The following WWOX variants were observed in gnomAD, a reference collection of about 807,000 sequenced individuals.
The protein encoded by WWOX is WW domain-containing oxidoreductase.
A neutral mutation model predicts 46.2 loss-of-function variants in WWOX; 69 were observed. The observed-to-expected ratio is 1.49, with a 90% CI of 1.23 to 1.82. The LOEUF is 1.82. WWOX is among the 40% of genes most tolerant of loss of function. The probability of loss-of-function intolerance (pLI) is 0.00; values close to 1 mark genes in which losing one functional copy is unlikely to be tolerated. For synonymous variants in WWOX, 359 were observed against 202.6 expected (o/e 1.77, Z -6.56); for missense variants, 919 against 542.6 (o/e 1.69, Z -6.89).
chr16:78,210,167 A>T (rs1485491022), intron 5 of WWOX, among the ~76,000 whole-genome samples: 1 of 152,190 alleles, frequency 6.6e-6, no homozygotes, highest in East Asian at 1.9e-4. Flanking sequence ...TTTATTTATA[A>T]AGACTTGCTT....
intron 8 of WWOX, among the ~76,000 whole-genome samples, chr16:78,718,564 A>G (rs1057327155): frequency 4.6e-5 from 7 of 152,098 alleles, no homozygotes; most frequent in Admixed American, 3.3e-4. Context: ...CACTGAGCCA[A>G]GCATGGGTGG....
chr16:79,070,713 T>C (rs1227215012), intron 8 of WWOX, among the ~76,000 whole-genome samples: 1 of 152,172 alleles, frequency 6.6e-6, no homozygotes, highest in African/African-American at 2.4e-5. Context: ...TAGTCAGTGG[T>C]GCAAGCTTCA....
At chr16:78,910,843 T>G (rs929558800) in intron 8 of WWOX, among the ~76,000 whole-genome samples, 7 of 151,938 alleles carry the variant, frequency 4.6e-5, no homozygotes, top group African/African-American at 1.4e-4. Context: ...GTGGGAATTA[T>G]GGGAGCTATA....
intron 8 of WWOX, among the ~76,000 whole-genome samples, chr16:79,046,726 C>G (rs2048072497): frequency 6.6e-6 from 1 of 152,196 alleles, no homozygotes; most frequent in South Asian, 2.1e-4. Flanking sequence ...AGCCATTCAG[C>G]TCCCACCTCT....
intron 8 of WWOX, among the ~76,000 whole-genome samples, chr16:78,992,652 G>A (rs1421284926): frequency 6.6e-6 from 1 of 152,126 alleles, no homozygotes; most frequent in Non-Finnish European, 1.5e-5. Flanking sequence ...AATGTCTGTT[G>A]TGGAAGTTGG....
At chr16:78,749,217 A>G (rs1247714771) in intron 8 of WWOX, among the ~76,000 whole-genome samples, 1 of 152,158 alleles carries the variant, frequency 6.6e-6, no homozygotes, top group Non-Finnish European at 1.5e-5. Context: ...CACACAGACT[A>G]CTGTTTAACC....
intron 8 of WWOX, among the ~76,000 whole-genome samples, chr16:78,827,066 T>C (rs1175511627): frequency 6.6e-6 from 1 of 152,186 alleles, no homozygotes; most frequent in Non-Finnish European, 1.5e-5. Flanking sequence ...CAGAGAGCTT[T>C]GATCCCTGGT....
intron 8 of WWOX, among the ~76,000 whole-genome samples, chr16:79,095,145 T>A (rs2049042997): frequency 6.6e-6 from 1 of 152,234 alleles, no homozygotes; most frequent in Admixed American, 6.5e-5. Flanking sequence ...TGCCTTAGAA[T>A]CTACTTAAGG....
Position 78,409,028 on chromosome 16 carries a change from G to A in WWOX, c.606-15842G>A, listed in dbSNP as rs537375664. Among the ~76,000 whole-genome samples, 32 of 152,262 alleles carry A rather than the reference G, an allele frequency of 2.1e-4. No individual in the cohort carries two copies. The South Asian group carries it at 6.0e-3, about 29-fold the overall frequency. Reference sequence around the variant, plus strand: ...CCTACCTCTGATTTCTTAATGCCACGTTATAAGGCTGCTGCTTATAGCTCT... The same window carrying A: ...CCTACCTCTGATTTCTTAATGCCACATTATAAGGCTGCTGCTTATAGCTCT... On this transcript the variant is annotated intron_variant, in intron 6 of 8. Coordinates refer to ENST00000566780, the MANE Select transcript of WWOX (RefSeq NM_016373.4).
rs965958782 is a variant in WWOX, at chr16:78,249,983, G to A, written c.516+85694G>A. Among the ~76,000 whole-genome samples, 3 of 152,108 alleles carry A rather than the reference G, an allele frequency of 2.0e-5. No homozygotes were observed. In the South Asian group the frequency reaches 6.2e-4, roughly 32 times the overall value. ...GGCTGAGGCCAGGTCCCCAGTGAGC[G>A]GCTGAACACACAGTGATTCAAACCC... On this transcript the variant is annotated intron_variant, in intron 5 of 8. Coordinates refer to ENST00000566780, the MANE Select transcript of WWOX (RefSeq NM_016373.4).
intron 8 of WWOX, among the ~76,000 whole-genome samples, chr16:78,501,832 C>A (rs1321864384): frequency 1.3e-5 from 2 of 152,108 alleles, no homozygotes; most frequent in East Asian, 1.9e-4. Flanking sequence ...GTGAAACTAG[C>A]GATGCCCTGG....
chr16:78,709,346 G>C (rs1331022308), intron 8 of WWOX, among the ~76,000 whole-genome samples: 1 of 152,232 alleles, frequency 6.6e-6, no homozygotes, highest in African/African-American at 2.4e-5. Flanking sequence ...GCTTGTTGGA[G>C]TTGTCTGGCT....
chr16:79,083,844 G>C (rs2048806285), intron 8 of WWOX, among the ~76,000 whole-genome samples: 1 of 152,226 alleles, frequency 6.6e-6, no homozygotes, highest in South Asian at 2.1e-4. Context: ...TCTTTTGCCA[G>C]ATGGTTGAAA....
At chr16:78,433,837 T>A (rs1376694320) in intron 8 of WWOX, among the ~76,000 whole-genome samples, 9 of 137,092 alleles carry the variant, frequency 6.6e-5, no homozygotes, top group Non-Finnish European at 1.4e-4. Context: ...TCGCCCAGGC[T>A]GGAGTGCAGT....
At chr16:78,732,078 A>C (rs539697969) in intron 8 of WWOX, among the ~76,000 whole-genome samples, 117 of 152,186 alleles carry the variant, frequency 7.7e-4, no homozygotes, top group African/African-American at 2.7e-3. Context: ...TGGTGAGGCT[A>C]GTCTCAAACT....
At chr16:78,324,439 C>A (rs890190471) in intron 5 of WWOX, among the ~76,000 whole-genome samples, 2 of 151,884 alleles carry the variant, frequency 1.3e-5, no homozygotes, top group Non-Finnish European at 2.9e-5. Flanking sequence ...CTCCTAGGTA[C>A]GTATCAAAGA....
intron 8 of WWOX, among the ~76,000 whole-genome samples, chr16:79,027,047 A>G (rs916737756): frequency 3.3e-5 from 5 of 151,624 alleles, no homozygotes; most frequent in African/African-American, 9.8e-5. Flanking sequence ...TGGGAGGTCA[A>G]GGCAGGAGGA....
At chr16:78,678,641 T>C (rs2047658830) in intron 8 of WWOX, among the ~76,000 whole-genome samples, 1 of 152,098 alleles carries the variant, frequency 6.6e-6, no homozygotes, top group African/African-American at 2.4e-5. Flanking sequence ...GGAAAACACA[T>C]GGAGTCTTGG....
Position 78,207,212 on chromosome 16 carries a change from C to T in WWOX, c.516+42923C>T, listed in dbSNP as rs9921759. 7.5e-3 allele frequency among the ~76,000 whole-genome samples: 1,141 copies of T among 152,312 alleles called. 9 individuals are homozygous for T. Among genetic ancestry groups the T allele is most frequent in the African/African-American group, 0.026 (1,071 of 41,572 alleles). ...TTACCCACATGGACCTACTCTATCC[C>T]AGGCAGATGCCACAAATTATTTTGT... On this transcript the variant is annotated intron_variant, in intron 5 of 8. Transcript: ENST00000566780.
Sources: gnomAD v4.1 joint callset for allele counts (sites outside exome capture counted in the v4.1 genomes callset) on GRCh38, gnomAD v4.1.1 for gene constraint, MANE v1.5 for transcripts, NCBI Gene and HGNC (gene_info 2026-07-23, HGNC 2026-07-21) for gene names.